The following THAP5 variants were observed in gnomAD, a reference collection of about 807,000 sequenced individuals.
The protein encoded by THAP5 is THAP domain-containing protein 5.
Under a neutral mutation model 34.0 loss-of-function variants are expected in THAP5, and 26 were observed. The ratio of observed to expected loss-of-function variants is 0.77; its 90% confidence interval spans 0.56 to 1.06. THAP5 has a LOEUF of 1.06. THAP5 is among the 50% of genes least tolerant of loss of function. The pLI is 0.00. For synonymous variants in THAP5, 125 were observed against 153.0 expected, an observed-to-expected ratio of 0.82 and a Z score of 1.35; for missense variants, 394 against 452.8, an observed-to-expected ratio of 0.87 and a Z score of 1.18.
chr7:108,564,760 A>G lies in THAP5; in HGVS notation c.619T>C (p.Leu207=). The G allele has an allele frequency of 6.2e-7, 1 of 1,613,360 alleles. No individual in the cohort carries two copies. Among genetic ancestry groups the G allele is most frequent in the Non-Finnish European group, 8.5e-7 (1 of 1,179,514 alleles). The change falls in exon 3 of 3, where the codon TTG becomes CTG. Residue 207 remains leucine (L), a synonymous_variant. Coordinates refer to ENST00000415914, the MANE Select transcript of THAP5 (RefSeq NM_001130475.3). ...FENLNSTTIT[L]TTSNSESIHQ... Reference sequence around the variant, plus strand: ...ATACTTTCTGAATTTGAAGTTGTCAAAGTAATAGTTGTAGAATTTAGATTC... The same window carrying G: ...ATACTTTCTGAATTTGAAGTTGTCAGAGTAATAGTTGTAGAATTTAGATTC...
intron 1 of THAP5, chr7:108,569,206 G>A (rs1052776868): frequency 7.5e-7 from 1 of 1,331,880 alleles, no homozygotes; most frequent in African/African-American, 1.5e-5. Flanking sequence ...ACGTGAAGTG[G>A]GGAAAAGACT....
In THAP5 at chr7:108,569,591, G is replaced by A. The variant is rs1428000826; in HGVS notation, c.-22C>T. 14 of 1,550,404 alleles carry A rather than the reference G, an allele frequency of 9.0e-6. No individual in the cohort carries two copies. The South Asian group carries it at 1.4e-4, about 16-fold the overall frequency. On this transcript the variant is annotated 5_prime_UTR_variant, in exon 1 of 3. Coordinates refer to ENST00000415914, the MANE Select transcript of THAP5 (RefSeq NM_001130475.3). ...GCATGACTCGGGTGAGGCCCCTGGA[G>A]ACCGGGGCCGGCGACGGATGCAGGG...
chr7:108,565,795 C>G, intron 2 of THAP5, 35 bp downstream of exon 2: 1 of 1,455,326 alleles, frequency 6.9e-7, no homozygotes, highest in Non-Finnish European at 9.1e-7. Context: ...ATCTGCCACT[C>G]TGCTCAGCAT....
chr7:108,546,721 T>G, the THAP5 span, among the ~76,000 whole-genome samples: 1 of 152,190 alleles, frequency 6.6e-6, no homozygotes, highest in African/African-American at 2.4e-5. Flanking sequence ...GAATGAGCAG[T>G]TTACCTTTGC....
chr7:108,548,664 A>T, the THAP5 span, among the ~76,000 whole-genome samples: 4 of 152,316 alleles, frequency 2.6e-5, no homozygotes, highest in Non-Finnish European at 5.9e-5. Context: ...ATGAGGAGCA[A>T]AGTCATGTCT....
rs1790569743 is a variant in THAP5, at chr7:108,569,631, G to A, written c.-62C>T. 31 of 1,540,952 alleles carry A rather than the reference G, an allele frequency of 2.0e-5. 2 individuals carry two copies. In the South Asian group the frequency reaches 3.5e-4, roughly 17 times the overall value. ...CGGATGCAGGGCGGCCCTCCTCACT[G>A]AGGATGCGCCACAGGTCCAGGCCTC... On this transcript the variant is annotated 5_prime_UTR_variant, in exon 1 of 3. An upstream open reading frame in the 5' UTR gains an earlier in-frame stop. Transcript: ENST00000415914.
In THAP5 at chr7:108,569,679, G is replaced by C. The variant is rs779944249; in HGVS notation, c.-110C>G. The C allele has an allele frequency of 1.6e-4, 219 of 1,408,760 alleles. No individual in the cohort carries two copies. Among genetic ancestry groups the C allele is most frequent in the Non-Finnish European group, 2.0e-4 (210 of 1,039,582 alleles). The allele number at this position is 1,408,760 out of a possible 1,614,324, so 87.3% of individuals were successfully genotyped here. ...CTCTCGAGCCCCTGCGCCTGCGCTA[G>C]CATTCTGCCGGGAAAGCCGCCTCGT... On this transcript the variant is annotated 5_prime_UTR_variant, in exon 1 of 3. Coordinates refer to ENST00000415914, the MANE Select transcript of THAP5 (RefSeq NM_001130475.3).
intron 1 of THAP5, among the ~76,000 whole-genome samples, chr7:108,567,929 C>T (rs376864548): frequency 2.0e-5 from 3 of 152,292 alleles, no homozygotes; most frequent in East Asian, 1.9e-4. Context: ...GTAAGGTCCA[C>T]AAAGTTTAGT....
chr7:108,547,102 A>G, the THAP5 span, among the ~76,000 whole-genome samples: 1 of 152,238 alleles, frequency 6.6e-6, no homozygotes, highest in African/African-American at 2.4e-5. Context: ...CCAAAAAAGG[A>G]ATAGACATTT....
At chr7:108,552,102 A>T (rs1283938393), downstream of THAP5, among the ~76,000 whole-genome samples, 1 of 152,040 alleles carries the variant, frequency 6.6e-6, no homozygotes, top group Non-Finnish European at 1.5e-5. Flanking sequence ...ATACACTTTC[A>T]CTTAACCTCT....
At chr7:108,561,430 A>ATTTT (rs372485775), downstream of THAP5, among the ~76,000 whole-genome samples, 1 of 127,978 alleles carries the variant, frequency 7.8e-6, no homozygotes, top group Admixed American at 7.9e-5. Flanking sequence ...TGCCTGGCTG[A>ATTTT]TTTTTTTTTT....
the THAP5 span, among the ~76,000 whole-genome samples, chr7:108,544,366 A>G: frequency 6.6e-6 from 1 of 151,870 alleles, no homozygotes; most frequent in Non-Finnish European, 1.5e-5. Context: ...CCCCATCTCT[A>G]CTAAAAATAC....
chr7:108,559,833 A>G (rs1171782747), downstream of THAP5, among the ~76,000 whole-genome samples: 1 of 152,122 alleles, frequency 6.6e-6, no homozygotes, highest in Non-Finnish European at 1.5e-5. Context: ...CATGATCATG[A>G]GAACAGCATG....
chr7:108,569,153 C>G (rs895526974), intron 1 of THAP5: 2 of 1,130,400 alleles, frequency 1.8e-6, no homozygotes, highest in East Asian at 4.9e-5. Context: ...GCAGGTTTCA[C>G]GTATCTTAAA....
chr7:108,568,675 A>G (rs2240450), intron 1 of THAP5: 9,054 of 154,550 alleles, frequency 0.059, 596 homozygotes, highest in African/African-American at 0.17. Context: ...GAAATGCAGT[A>G]TTTTAAATAT....
downstream of THAP5, among the ~76,000 whole-genome samples, chr7:108,559,050 G>T (rs1413817721): frequency 6.6e-6 from 1 of 152,198 alleles, no homozygotes; most frequent in Admixed American, 6.5e-5. Context: ...CTTCTGAAAT[G>T]TATGTAATGC....
intron 1 of THAP5, chr7:108,569,064 GAA>G: frequency 4.0e-6 from 4 of 1,004,934 alleles, no homozygotes; most frequent in Non-Finnish European, 3.6e-6. Context: ...TTCCTCAGGA[GAA>G]AAGTGGGATG....
Position 108,564,258 on chromosome 7 carries a change from C to G in THAP5, c.1121G>C (p.Trp374Ser). The change falls in exon 3 of 3, where the codon TGG becomes TCG. Residue 374 changes from tryptophan (W) to serine (S), a missense_variant. By Grantham distance (177) the Trp-to-Ser change is radical. Transcript: ENST00000415914. ...ALIRQLKQEN[W>S]LSEENVKIIE... ...AATCTTGACGTTTTCTTCAGATAGCCAGTTTTCCTGCTTTAGCTGCCTTAT... is the reference window on the plus strand; with the variant it reads ...AATCTTGACGTTTTCTTCAGATAGCGAGTTTTCCTGCTTTAGCTGCCTTAT... The G allele has an allele frequency of 6.2e-7, 1 of 1,611,618 alleles. No homozygotes were observed. The highest frequency in any genetic ancestry group is 8.5e-7 in the Non-Finnish European group (1 of 1,179,228).
downstream of THAP5, among the ~76,000 whole-genome samples, chr7:108,551,446 G>A (rs978895005): frequency 2.0e-4 from 30 of 152,234 alleles, no homozygotes; most frequent in African/African-American, 7.2e-4. Flanking sequence ...ATATAAGGAT[G>A]TGGCAAGAAG....
Sources: gnomAD v4.1 joint callset for allele counts (sites outside exome capture counted in the v4.1 genomes callset) on GRCh38, gnomAD v4.1.1 for gene constraint, MANE v1.5 for transcripts, NCBI Gene and HGNC (gene_info 2026-07-23, HGNC 2026-07-21) for gene names.